The following KIF1B variants were observed in gnomAD, a reference collection of about 807,000 sequenced individuals.
KIF1B encodes kinesin family member 1B.
In KIF1B, 76 loss-of-function variants were observed where a neutral mutation model predicts 241.9. The ratio of observed to expected loss-of-function variants is 0.31; its 90% CI spans 0.26 to 0.38. The LOEUF is 0.38. Ranked by LOEUF, KIF1B falls within the 10% of genes least tolerant of loss-of-function variation. The probability of loss-of-function intolerance (pLI) is 1.00; values close to 1 mark genes in which losing one functional copy is unlikely to be tolerated. For missense variants in KIF1B, 1,622 were observed against 2,271.4 expected (o/e 0.71, Z 5.81); for synonymous variants, 750 against 796.7 (o/e 0.94, Z 0.99).
intron 15 of KIF1B, among the ~76,000 whole-genome samples, chr1:10,286,154 C>G (rs1373614253): frequency 6.6e-6 from 1 of 152,170 alleles, no homozygotes; most frequent in Non-Finnish European, 1.5e-5. Context: ...ACTCTCCTGC[C>G]TCAGCCTTCT....
intron 24 of KIF1B, 44 bp from the exon 25 acceptor site, chr1:10,323,839 TG>T: frequency 6.6e-7 from 1 of 1,521,940 alleles, no homozygotes; most frequent in Non-Finnish European, 9.1e-7. Context: ...CTCTGAAGCT[TG>T]CTTGCTGAAA....
rs34449939 is a variant in KIF1B at position 10,240,721 on chromosome 1, A to ATTTTT, written c.106+8304_106+8308dup. 3.8e-4 allele frequency among the ~76,000 whole-genome samples: 42 copies of ATTTTT among 110,034 alleles called. 1 individual carries two copies. The highest frequency in any genetic ancestry group is 2.6e-3 in the East Asian group (8 of 3,028). 72.2% of individuals were successfully genotyped at this position (110,034 alleles called of 152,430 possible). Reference sequence around the variant, plus strand: ...GGATTTAAGAATTTATGGGTAGTTCATTTTTTTTTTTTTTTTTTTTTGGTA... The same window carrying ATTTTT: ...GGATTTAAGAATTTATGGGTAGTTCATTTTTTTTTTTTTTTTTTTTTTTTTTGGTA... On this transcript the variant is annotated intron_variant, in intron 2 of 48. Coordinates refer to ENST00000676179, the MANE Select transcript of KIF1B (RefSeq NM_001365951.3).
Position 10,296,573 on chromosome 1 carries a change from TC to T in KIF1B, c.1778-7del. The T allele has an allele frequency of 6.2e-7, 1 of 1,609,424 alleles. No individual in the cohort carries two copies. Among genetic ancestry groups the T allele is most frequent in the Non-Finnish European group, 8.5e-7 (1 of 1,175,814 alleles). On this transcript the variant is annotated splice_polypyrimidine_tract_variant and splice_region_variant and intron_variant, in intron 19 of 48. Transcript: ENST00000676179. ...AATGATAACATTAGTTTGTGTTTGT[TC>T]CTCTTAGTTATCGTGACCTTAGAGC...
rs1183592882 is a variant in KIF1B at position 10,374,801 on chromosome 1, A to G, written c.5097-53A>G. Reference sequence around the variant, plus strand: ...GTGGCGTATTTTGATGGTCCTCAGCACGATTATTTTCTTTTTGTGAGAAAC... The same window carrying G: ...GTGGCGTATTTTGATGGTCCTCAGCGCGATTATTTTCTTTTTGTGAGAAAC... On this transcript the variant is annotated intron_variant, in intron 46 of 48. Coordinates refer to ENST00000676179, the MANE Select transcript of KIF1B (RefSeq NM_001365951.3). The surrounding 1 kb of genome is among the most constrained non-coding windows in gnomAD (Gnocchi z 4.3). 2.6e-6 allele frequency: 4 copies of G among 1,552,040 alleles called. No homozygotes were observed. The highest frequency in any genetic ancestry group is 1.4e-5 in the African/African-American group (1 of 73,742).
At position 10,271,406 on chromosome 1, in the gene KIF1B, A is replaced by G. The variant is rs530151984; in HGVS notation, c.721-96A>G. On this transcript the variant is annotated intron_variant, in intron 7 of 48. Transcript: ENST00000676179. ...AGCTCTAATACTTTTAGTTTTTTCC[A>G]TACCTTAATCTTTTAAAAAGCATTC... 2.4e-4 allele frequency: 215 copies of G among 899,706 alleles called. No individual in the cohort carries two copies. In the African/African-American group the frequency reaches 3.1e-3, roughly 13 times the overall value. The allele number at this position is 899,706 out of a possible 1,614,324, so 55.7% of individuals were successfully genotyped here.
intron 22 of KIF1B, among the ~76,000 whole-genome samples, chr1:10,313,866 A>C (rs972553564): frequency 6.7e-6 from 1 of 150,200 alleles, no homozygotes; most frequent in African/African-American, 2.5e-5. Context: ...ATTTCTTATA[A>C]ACATAAATGT....
At chr1:10,266,020 T>A (rs947336531) in intron 5 of KIF1B, among the ~76,000 whole-genome samples, 2 of 152,222 alleles carry the variant, frequency 1.3e-5, no homozygotes, top group Non-Finnish European at 2.9e-5. Context: ...AATAGCTCCA[T>A]GATACAGAAG....
chr1:10,211,901 G>A (rs1646698230), intron 1 of KIF1B, among the ~76,000 whole-genome samples: 2 of 152,158 alleles, frequency 1.3e-5, no homozygotes, highest in African/African-American at 4.8e-5. Flanking sequence ...TGGAGGCCTC[G>A]AGTAGCCGTA....
chr1:10,237,405 T>C (rs1338900668), intron 2 of KIF1B, among the ~76,000 whole-genome samples: 2 of 152,172 alleles, frequency 1.3e-5, no homozygotes, highest in Non-Finnish European at 2.9e-5. Flanking sequence ...TAGATAAAAT[T>C]GGTTTTCACT....
At chr1:10,268,351 G>A (rs1569638835) in intron 7 of KIF1B, 88 bp downstream of exon 7, 3 of 848,932 alleles carry the variant, frequency 3.5e-6, no homozygotes, top group East Asian at 2.6e-5. Context: ...TTTGTGGAAG[G>A]TTGGGTGTTG....
At chr1:10,281,570 A>G (rs1649407578) in intron 14 of KIF1B, among the ~76,000 whole-genome samples, 2 of 152,158 alleles carry the variant, frequency 1.3e-5, no homozygotes, top group Admixed American at 1.3e-4. Flanking sequence ...TTAGCAAATA[A>G]TCAGCCTTAT....
At chr1:10,312,000 G>A (rs1487205752) in intron 22 of KIF1B, among the ~76,000 whole-genome samples, 1 of 151,294 alleles carries the variant, frequency 6.6e-6, no homozygotes, top group African/African-American at 2.5e-5. Context: ...GCTACTCAGC[G>A]GGAGAGCCAG....
intron 15 of KIF1B, among the ~76,000 whole-genome samples, chr1:10,288,253 AC>A (rs1158029527): frequency 6.6e-6 from 1 of 152,172 alleles, no homozygotes; most frequent in African/African-American, 2.4e-5. Flanking sequence ...AGCGTTTAAC[AC>A]CACTCTTAGT....
rs182828344 is a variant in KIF1B, at chr1:10,260,693, C to T, written c.364-1212C>T. On this transcript the variant is annotated intron_variant, in intron 4 of 48. Coordinates refer to ENST00000676179, the MANE Select transcript of KIF1B (RefSeq NM_001365951.3). ...CAGCCTGACCAACATGGTGAAACCCCGTGTCTACTAAAAATACAAAAAAAT... is the reference window on the plus strand; with the variant it reads ...CAGCCTGACCAACATGGTGAAACCCTGTGTCTACTAAAAATACAAAAAAAT... 6.0e-3 allele frequency among the ~76,000 whole-genome samples: 901 copies of T among 151,380 alleles called. 13 individuals carry two copies. The highest frequency in any genetic ancestry group is 0.019 in the African/African-American group (796 of 41,308).
chr1:10,299,785 ATCTTCTC>A (rs1466476520), intron 22 of KIF1B, among the ~76,000 whole-genome samples: 1 of 151,852 alleles, frequency 6.6e-6, no homozygotes, highest in Non-Finnish European at 1.5e-5. Flanking sequence ...CAGTTTTGGG[ATCTTCTC>A]TCTTCTTATT....
Position 10,337,904 on chromosome 1 carries a change from AC to A in KIF1B, c.3422+372del, listed in dbSNP as rs1417548899. Among the ~76,000 whole-genome samples, 1 of 152,170 alleles carries A rather than the reference AC, an allele frequency of 6.6e-6. No homozygotes were observed. The highest frequency in any genetic ancestry group is 1.5e-5 in the Non-Finnish European group (1 of 68,038). On this transcript the variant is annotated intron_variant, in intron 31 of 48. Transcript: ENST00000676179. This position sits in a 1 kb window ranked among gnomAD's most constrained non-coding sequence, Gnocchi z 4.0. Reference sequence around the variant, plus strand: ...GCAATGACTTATCTAGCTAGCAATTACGCCTATTTAATACTCGGGAAAAGGA... The same window carrying A: ...GCAATGACTTATCTAGCTAGCAATTAGCCTATTTAATACTCGGGAAAAGGA...
At position 10,363,941 on chromosome 1, in the gene KIF1B, A is replaced by G. The variant is rs116999981; in HGVS notation, c.4366+597A>G. ...CAGGGCCCACAGGCAAGACTTAGAT[A>G]AGTAAAGAAGACTTTGAGTATGAAT... On this transcript the variant is annotated intron_variant, in intron 41 of 48. Coordinates refer to ENST00000676179, the MANE Select transcript of KIF1B (RefSeq NM_001365951.3). 1.3e-4 allele frequency among the ~76,000 whole-genome samples: 20 copies of G among 152,336 alleles called. No individual in the cohort carries two copies. The East Asian group carries it at 3.9e-3, about 29-fold the overall frequency.
intron 17 of KIF1B, among the ~76,000 whole-genome samples, chr1:10,292,555 T>C (rs1342601449): frequency 6.6e-6 from 1 of 152,226 alleles, no homozygotes; most frequent in Admixed American, 6.5e-5. Flanking sequence ...ACTGCTTCCA[T>C]TTGCTTCTGC....
chr1:10,365,450 T>G lies in KIF1B; in HGVS notation c.4554T>G (p.Leu1518=). The G allele has an allele frequency of 1.9e-6, 3 of 1,614,164 alleles. No individual in the cohort carries two copies. Among genetic ancestry groups the G allele is most frequent in the Non-Finnish European group, 2.5e-6 (3 of 1,180,036 alleles). ...ACTTTTTGCTGCTGCGTGAGAGACTTGGTGACAGCATCCCCAAATCCCTGA... is the reference window on the plus strand; with the variant it reads ...ACTTTTTGCTGCTGCGTGAGAGACTGGGTGACAGCATCCCCAAATCCCTGA... ...TRHFLLLRER[L]GDSIPKSLSD... is the part of the protein sequence containing the mutation. The change falls in exon 43 of 49, where the codon CTT becomes CTG. Residue 1518 remains leucine, a synonymous_variant. Coordinates refer to ENST00000676179, the MANE Select transcript of KIF1B (RefSeq NM_001365951.3). This position sits in a 1 kb window ranked among gnomAD's most constrained non-coding sequence, Gnocchi z 4.0.
Sources: gnomAD v4.1 joint callset for allele counts (sites outside exome capture counted in the v4.1 genomes callset) on GRCh38, gnomAD v4.1.1 for gene constraint, Gnocchi (gnomAD v3.1) non-coding constraint, MANE v1.5 for transcripts, NCBI Gene and HGNC (gene_info 2026-07-23, HGNC 2026-07-21) for gene names.